Variants in INPP4B observed in about 807,000 individuals in gnomAD.
INPP4B encodes the protein inositol polyphosphate 4-phosphatase type II.
INPP4B carries 55 observed loss-of-function variants against 122.5 expected under a neutral mutation model. That is an observed-to-expected ratio of 0.45 (90% confidence interval 0.36 to 0.56). The LOEUF is 0.56. INPP4B is among the 20% of genes least tolerant of loss of function. INPP4B has a pLI of 0.00. For missense variants in INPP4B, 1,000 were observed against 1,097.7 expected (o/e 0.91, Z 1.26); for synonymous variants, 403 against 388.7 (o/e 1.04, Z -0.43).
At chr4:142,081,381 TAC>T (rs1037951629) in intron 25 of INPP4B, among the ~76,000 whole-genome samples, 9 of 152,302 alleles carry the variant, frequency 5.9e-5, no homozygotes, top group African/African-American at 1.9e-4. Context: ...CATTACGGCT[TAC>T]AGTTTAGATT....
chr4:142,686,409 A>C (rs1332712872), intron 2 of INPP4B, among the ~76,000 whole-genome samples: 1 of 152,106 alleles, frequency 6.6e-6, no homozygotes, highest in African/African-American at 2.4e-5. Context: ...CCAGACCAAC[A>C]GTCTAGTTGG....
At chr4:142,384,031 A>C (rs1003541031) in intron 7 of INPP4B, 1 of 700,490 alleles carries the variant, frequency 1.4e-6, no homozygotes, top group East Asian at 2.7e-5. Flanking sequence ...ACATTTGAAC[A>C]GGTGACTGAG....
At chr4:142,795,311 A>G (rs1223992018) in intron 1 of INPP4B, 1 of 152,042 alleles carries the variant, frequency 6.6e-6, no homozygotes, top group Non-Finnish European at 1.5e-5. Flanking sequence ...AATAGTATTT[A>G]TGTCTTAGGA....
intron 2 of INPP4B, among the ~76,000 whole-genome samples, chr4:142,605,937 T>C (rs1260256874): frequency 6.6e-6 from 1 of 152,040 alleles, no homozygotes; most frequent in Non-Finnish European, 1.5e-5. Context: ...AAGAACTGCC[T>C]GTACTTACAT....
At chr4:142,794,533 A>T (rs1017165087) in intron 1 of INPP4B, among the ~76,000 whole-genome samples, 1 of 152,020 alleles carries the variant, frequency 6.6e-6, no homozygotes, top group East Asian at 1.9e-4. Context: ...ATTTTAAAAA[A>T]ACAAGAGAAC....
At chr4:142,721,745 C>T (rs1485140238) in intron 2 of INPP4B, among the ~76,000 whole-genome samples, 5 of 151,966 alleles carry the variant, frequency 3.3e-5, no homozygotes, top group Admixed American at 1.3e-4. Context: ...TGCTTGAACC[C>T]GGGAGGCAGA....
chr4:142,086,727 T>G (rs530881954), intron 23 of INPP4B, among the ~76,000 whole-genome samples: 38 of 152,312 alleles, frequency 2.5e-4, no homozygotes, highest in African/African-American at 8.4e-4. Flanking sequence ...CTTATTAATT[T>G]ACCTGTTTTT....
chr4:142,111,023 A>C (rs1239259925), intron 22 of INPP4B, among the ~76,000 whole-genome samples: 1 of 152,140 alleles, frequency 6.6e-6, no homozygotes, highest in Non-Finnish European at 1.5e-5. Flanking sequence ...GTTCATGCTC[A>C]GGAATATCAT....
chr4:142,491,796 A>C (rs1821915127), intron 2 of INPP4B, among the ~76,000 whole-genome samples: 1 of 152,258 alleles, frequency 6.6e-6, no homozygotes, highest in African/African-American at 2.4e-5. Flanking sequence ...GTAAGATATC[A>C]CTTCACATTA....
intron 7 of INPP4B, among the ~76,000 whole-genome samples, chr4:142,350,710 C>G (rs1285288136): frequency 1.3e-5 from 2 of 151,952 alleles, no homozygotes; most frequent in African/African-American, 4.8e-5. Flanking sequence ...TTTAAAAGAG[C>G]AAAAATGTTA....
intron 8 of INPP4B, among the ~76,000 whole-genome samples, chr4:142,310,079 C>A (rs1379164365): frequency 1.3e-5 from 2 of 152,130 alleles, no homozygotes; most frequent in African/African-American, 4.8e-5. Context: ...CTGGCCAAAC[C>A]TCCATCATTC....
chr4:142,817,472 C>T (rs747031427), intron 1 of INPP4B, among the ~76,000 whole-genome samples: 12 of 152,270 alleles, frequency 7.9e-5, no homozygotes, highest in Admixed American at 2.0e-4. Context: ...AATCTTTGAA[C>T]GTACGGCTGC....
intron 2 of INPP4B, among the ~76,000 whole-genome samples, chr4:142,607,583 A>G (rs1741536630): frequency 1.3e-5 from 2 of 152,100 alleles, no homozygotes; most frequent in African/African-American, 4.8e-5. Flanking sequence ...GATCCAAAAT[A>G]AAAATATAAC....
intron 7 of INPP4B, among the ~76,000 whole-genome samples, chr4:142,382,309 G>C (rs1794399632): frequency 6.6e-6 from 1 of 151,766 alleles, no homozygotes; most frequent in South Asian, 2.1e-4. Context: ...AGGAGTTCAT[G>C]AACAGCCTGG....
intron 22 of INPP4B, among the ~76,000 whole-genome samples, chr4:142,108,650 A>G (rs983319845): frequency 1.1e-4 from 17 of 152,124 alleles, no homozygotes; most frequent in African/African-American, 3.9e-4. Flanking sequence ...TGCCCACACT[A>G]TCAACTGCTG....
chr4:142,612,840 T>G (rs535952449), intron 2 of INPP4B, among the ~76,000 whole-genome samples: 1 of 152,254 alleles, frequency 6.6e-6, no homozygotes, highest in Non-Finnish European at 1.5e-5. Flanking sequence ...AAAGAAGCAT[T>G]CAGTCTGTAG....
At chr4:142,403,145 G>C (rs1323439410) in intron 6 of INPP4B, 91 bp from the exon 7 acceptor site, 10 of 744,254 alleles carry the variant, frequency 1.3e-5, no homozygotes, top group Non-Finnish European at 2.4e-5. Flanking sequence ...CAGAAAGTGT[G>C]CCTGAGTCTG....
chr4:142,703,134 A>G (rs1762031357), intron 2 of INPP4B, among the ~76,000 whole-genome samples: 1 of 151,904 alleles, frequency 6.6e-6, no homozygotes, highest in African/African-American at 2.4e-5. Context: ...AGAACCTGTT[A>G]CTCTCTCTCC....
At position 142,437,470 on chromosome 4, in the gene INPP4B, G is replaced by T. The variant is rs115281025; in HGVS notation, c.-126-6085C>A. ...GACACATAATCACCATATTCTCCAA[G>T]GTCGACATGAAGGAAAAAATATTAA... On this transcript the variant is annotated intron_variant, in intron 3 of 25. Transcript: ENST00000262992. Among the ~76,000 whole-genome samples the T allele has an allele frequency of 3.3e-5, 5 of 151,858 alleles. 1 individual carries two copies. Among genetic ancestry groups the T allele is most frequent in the African/African-American group, 1.2e-4 (5 of 41,324 alleles).
Sources: allele counts gnomAD v4.1 joint callset (sites outside exome capture counted in the v4.1 genomes callset), GRCh38; gene constraint gnomAD v4.1.1; transcripts MANE v1.5; gene names NCBI Gene and HGNC (gene_info 2026-07-23, HGNC 2026-07-21).